IL23R: variants seen among roughly 807,000 people sequenced by gnomAD.
IL23R encodes the protein interleukin 23 receptor, also known as interleukin-23 receptor.
In IL23R, 34 loss-of-function variants were observed where a neutral mutation model predicts 56.9. The observed-to-expected ratio is 0.60, with a 90% confidence interval of 0.45 to 0.80. The LOEUF (loss-of-function observed/expected upper bound fraction) is 0.80, where lower values mean the gene tolerates loss of function less well. Ranked by LOEUF, IL23R falls within the 30% of genes least tolerant of loss-of-function variation. The probability of loss-of-function intolerance (pLI) is 0.00; values close to 1 mark genes in which losing one functional copy is unlikely to be tolerated. For synonymous variants in IL23R, 230 were observed against 249.2 expected (o/e 0.92, Z 0.73); for missense variants, 635 against 730.0 (o/e 0.87, Z 1.50).
At position 67,255,639 on chromosome 1, in the gene IL23R, A is replaced by G. The variant is rs574490682; in HGVS notation, c.1149-198A>G. 8.6e-5 allele frequency among the ~76,000 whole-genome samples: 13 copies of G among 151,958 alleles called. No homozygotes were observed. In the South Asian group the frequency reaches 1.9e-3, roughly 22 times the overall value. On this transcript the variant is annotated intron_variant, in intron 9 of 10. Transcript: ENST00000347310. Reference sequence around the variant, plus strand: ...TATTCTGTAGAGACAGGGTCTTGCTATGTTGCCCAGGCTGGTCTCGAACTC... The same window carrying G: ...TATTCTGTAGAGACAGGGTCTTGCTGTGTTGCCCAGGCTGGTCTCGAACTC...
chr1:67,237,461 T>C (rs1489241389), intron 8 of IL23R, among the ~76,000 whole-genome samples: 8 of 152,178 alleles, frequency 5.3e-5, no homozygotes, highest in Admixed American at 5.2e-4. Flanking sequence ...AAACAACCCA[T>C]GAGATAAGTG....
At chr1:67,159,915 T>C (rs1230549656) in intron 1 of IL23R, among the ~76,000 whole-genome samples, 1 of 152,222 alleles carries the variant, frequency 6.6e-6, no homozygotes, top group Non-Finnish European at 1.5e-5. Flanking sequence ...CCATGATTGT[T>C]ATACACCTGC....
intron 1 of IL23R, among the ~76,000 whole-genome samples, chr1:67,142,803 G>A (rs1273188775): frequency 2.6e-5 from 4 of 152,106 alleles, no homozygotes; most frequent in African/African-American, 9.7e-5. Context: ...CCTGACCTCA[G>A]GTGATCCACC....
chr1:67,215,029 C>T (rs543051516), intron 6 of IL23R, among the ~76,000 whole-genome samples: 2 of 152,278 alleles, frequency 1.3e-5, no homozygotes, highest in South Asian at 2.1e-4. Context: ...TGTCACGTAC[C>T]GCCTGCTTGC....
intron 6 of IL23R, among the ~76,000 whole-genome samples, chr1:67,215,877 C>T (rs1649800392): frequency 6.6e-6 from 1 of 152,146 alleles, no homozygotes; most frequent in Non-Finnish European, 1.5e-5. Flanking sequence ...GATGCCCTTT[C>T]CTTTGTAAAT....
intron 5 of IL23R, among the ~76,000 whole-genome samples, chr1:67,201,124 G>T (rs1648596320): frequency 5.4e-3 from 1 of 186 alleles, no homozygotes. Flanking sequence ...GTTGTATGTG[G>T]CTGGGCCGGT....
chr1:67,247,731 G>A (rs1652333605), intron 9 of IL23R, among the ~76,000 whole-genome samples: 1 of 152,140 alleles, frequency 6.6e-6, no homozygotes, highest in Non-Finnish European at 1.5e-5. Context: ...TTACAATTTG[G>A]TATGTTTTTG....
chr1:67,261,758 G>A (rs994746870), downstream of IL23R, among the ~76,000 whole-genome samples: 9 of 152,110 alleles, frequency 5.9e-5, no homozygotes, highest in Admixed American at 1.3e-4. Context: ...TTTATAGTAC[G>A]TTTCACCATA....
downstream of IL23R, among the ~76,000 whole-genome samples, chr1:67,260,386 T>G (rs1653165063): frequency 6.6e-6 from 1 of 152,016 alleles, no homozygotes; most frequent in African/African-American, 2.4e-5. Flanking sequence ...TGTTAGAAAA[T>G]TATTGTTAAA....
intron 9 of IL23R, among the ~76,000 whole-genome samples, chr1:67,243,408 C>T (rs986293166): frequency 3.3e-5 from 5 of 152,050 alleles, no homozygotes; most frequent in African/African-American, 1.2e-4. Flanking sequence ...TTGCTGCACC[C>T]ATCAACCCGT....
intron 7 of IL23R, among the ~76,000 whole-genome samples, chr1:67,236,196 C>T (rs1217351149): frequency 2.6e-5 from 4 of 152,176 alleles, no homozygotes; most frequent in Admixed American, 6.5e-5. Context: ...TGGTGACATC[C>T]CACCCAGGTG....
chr1:67,195,202 T>G (rs897979349), intron 4 of IL23R, among the ~76,000 whole-genome samples: 3 of 152,072 alleles, frequency 2.0e-5, no homozygotes, highest in Non-Finnish European at 4.4e-5. Flanking sequence ...CTGGCTAATT[T>G]TTGTATTTTT....
At chr1:67,151,072 C>T (rs1273922703) in intron 1 of IL23R, among the ~76,000 whole-genome samples, 4 of 152,200 alleles carry the variant, frequency 2.6e-5, no homozygotes, top group Non-Finnish European at 1.5e-5. Flanking sequence ...TTCTCACCAA[C>T]AGTGTGAAAG....
chr1:67,207,590 T>C, intron 6 of IL23R: 1 of 376,132 alleles, frequency 2.7e-6, no homozygotes, highest in South Asian at 2.2e-5. Flanking sequence ...GATGCGTTTA[T>C]CAGAGGTTTC....
chr1:67,179,045 C>T (rs1038319159), intron 3 of IL23R, among the ~76,000 whole-genome samples: 4 of 152,106 alleles, frequency 2.6e-5, no homozygotes, highest in East Asian at 3.9e-4. Flanking sequence ...ATTTTTGCAT[C>T]GATGTTCATC....
chr1:67,169,701 C>T, intron 3 of IL23R, 63 bp downstream of exon 3: 1 of 1,380,196 alleles, frequency 7.2e-7, no homozygotes, highest in Admixed American at 1.7e-5. Context: ...CTGGTCATTA[C>T]CACACTAGTC....
At chr1:67,238,325 C>A (rs1651620113) in intron 8 of IL23R, among the ~76,000 whole-genome samples, 4 of 127,970 alleles carry the variant, frequency 3.1e-5, no homozygotes, top group South Asian at 5.2e-4. Flanking sequence ...GGCAACAGAG[C>A]AAGACCCTGT....
upstream of IL23R, among the ~76,000 whole-genome samples, chr1:67,163,146 G>A (rs1646837372): frequency 6.6e-6 from 1 of 152,112 alleles, no homozygotes; most frequent in Non-Finnish European, 1.5e-5. Flanking sequence ...AAGAGCAGCT[G>A]CTACAGATAC....
intron 9 of IL23R, among the ~76,000 whole-genome samples, chr1:67,246,168 AT>A (rs1326064618): frequency 2.0e-5 from 3 of 152,124 alleles, no homozygotes; most frequent in African/African-American, 7.2e-5. Flanking sequence ...CTCCTTTATC[AT>A]TTTTTATTGC....
Sources: gnomAD v4.1 joint callset for allele counts (sites outside exome capture counted in the v4.1 genomes callset) on GRCh38, gnomAD v4.1.1 for gene constraint, MANE v1.5 for transcripts, NCBI Gene and HGNC (gene_info 2026-07-23, HGNC 2026-07-21) for gene names.